The following DLGAP4 variants were observed in gnomAD, a reference collection of about 807,000 sequenced individuals.
The protein encoded by DLGAP4 is DLG associated protein 4.
A neutral mutation model predicts 86.9 loss-of-function variants in DLGAP4; 18 were observed. That is an observed-to-expected ratio of 0.21 (90% CI 0.14 to 0.31). The LOEUF is 0.31. Ranked by LOEUF, DLGAP4 falls within the 10% of genes least tolerant of loss-of-function variation. The pLI, the probability that DLGAP4 is intolerant of heterozygous loss-of-function variation, is 1.00. For synonymous variants in DLGAP4, 548 were observed against 574.3 expected, an observed-to-expected ratio of 0.95 and a Z score of 0.65; for missense variants, 1,085 against 1,362.6, an observed-to-expected ratio of 0.80 and a Z score of 3.21.
intron 2 of DLGAP4, among the ~76,000 whole-genome samples, chr20:36,373,596 G>A (rs768567905): frequency 5.3e-5 from 8 of 152,178 alleles, no homozygotes; most frequent in Non-Finnish European, 1.2e-4. Context: ...GTGGGGAAAA[G>A]TGGCTTCCCC....
Position 36,460,408 on chromosome 20 carries a change from G to A in DLGAP4, c.1648+13471G>A, listed in dbSNP as rs562996544. On this transcript the variant is annotated intron_variant, in intron 7 of 12. Coordinates refer to ENST00000339266, the MANE Select transcript of DLGAP4 (RefSeq NM_001365621.2). The stretch of plus-strand genomic sequence containing the variant: ...ACAGTGCCTGGATTCAAAACGGTTG[G>A]CTAACCCTCAATTCCGTTTATTATT... Among the ~76,000 whole-genome samples, 13 of 152,340 alleles carry A rather than the reference G, an allele frequency of 8.5e-5. No individual in the cohort carries two copies. The South Asian group carries it at 2.7e-3, about 32-fold the overall frequency.
At chr20:36,443,734 G>A (rs941360277) in intron 6 of DLGAP4, among the ~76,000 whole-genome samples, 1 of 151,994 alleles carries the variant, frequency 6.6e-6, no homozygotes, top group Admixed American at 6.6e-5. Context: ...CAGCAGCGCT[G>A]ACCAGCTGGC....
At chr20:36,506,963 C>T (rs545897321) in intron 10 of DLGAP4, among the ~76,000 whole-genome samples, 1 of 152,312 alleles carries the variant, frequency 6.6e-6, no homozygotes, top group Admixed American at 6.5e-5. Flanking sequence ...ATAATGTCTT[C>T]AAGGTTCATC....
At position 36,436,358 on chromosome 20, in the gene DLGAP4, C is replaced by T. The variant is rs763986716; in HGVS notation, c.1241+8C>T. 2.5e-6 allele frequency: 4 copies of T among 1,587,656 alleles called. No individual in the cohort carries two copies. Among genetic ancestry groups the T allele is most frequent in the Admixed American group, 3.4e-5 (2 of 59,064 alleles). On this transcript the variant is annotated splice_region_variant and intron_variant, in intron 4 of 12. Transcript: ENST00000339266. Reference sequence around the variant, plus strand: ...GCAGAGCAACCCCCGCAGGTAGGCGCGCAGCTCCACCCTTACGGTCCCGCC... The same window carrying T: ...GCAGAGCAACCCCCGCAGGTAGGCGTGCAGCTCCACCCTTACGGTCCCGCC...
intron 7 of DLGAP4, among the ~76,000 whole-genome samples, chr20:36,457,475 G>A (rs1396731632): frequency 6.7e-6 from 1 of 150,014 alleles, no homozygotes; most frequent in African/African-American, 2.5e-5. Context: ...CCCTGGTTCT[G>A]GTTCAAGCGA....
intron 4 of DLGAP4, among the ~76,000 whole-genome samples, chr20:36,436,583 G>T (rs570279189): frequency 6.6e-6 from 1 of 152,266 alleles, no homozygotes; most frequent in Admixed American, 6.5e-5. Context: ...TTGGGAGGTC[G>T]AGGCGGGTGG....
chr20:36,485,980 T>C (rs1016603949), intron 7 of DLGAP4, among the ~76,000 whole-genome samples: 5 of 152,032 alleles, frequency 3.3e-5, no homozygotes, highest in African/African-American at 1.2e-4. Context: ...CCCACCAGAC[T>C]GTGCTCCTGT....
chr20:36,326,236 C>G (rs1600400010), intron 1 of DLGAP4, among the ~76,000 whole-genome samples: 1 of 152,282 alleles, frequency 6.6e-6, no homozygotes, highest in East Asian at 1.9e-4. Context: ...AGATTCACCC[C>G]AGGTTTAAAT....
At chr20:36,420,801 C>T (rs1350276829) in intron 2 of DLGAP4, among the ~76,000 whole-genome samples, 2 of 152,086 alleles carry the variant, frequency 1.3e-5, no homozygotes, top group Non-Finnish European at 2.9e-5. Context: ...TGGAGAAACC[C>T]AGTCTCTACT....
chr20:36,439,638 G>A lies in DLGAP4; in HGVS notation c.1242-116G>A, dbSNP rs186429978. On this transcript the variant is annotated intron_variant, in intron 4 of 12. Transcript: ENST00000339266. The stretch of plus-strand genomic sequence containing the variant: ...ATACAAGCTGGTGCTGCCACCCTGC[G>A]GCTGCAGCGGGCATCACAGGTGTGG... The A allele has an allele frequency of 9.6e-5, 80 of 829,466 alleles. No homozygotes were observed. In the East Asian group the frequency reaches 1.9e-3, roughly 20 times the overall value. 51.4% of individuals were successfully genotyped at this position (829,466 alleles called of 1,614,324 possible).
chr20:36,442,595 C>G (rs2033479186), intron 5 of DLGAP4, 132 bp from the exon 6 acceptor site: 2 of 942,942 alleles, frequency 2.1e-6, no homozygotes, highest in Admixed American at 3.9e-5. Flanking sequence ...GACCTCCTAG[C>G]AGCTGTGTCC....
rs539751980 is a variant in DLGAP4, at chr20:36,446,980, G to T, written c.1648+43G>T. 3 of 1,561,772 alleles carry T rather than the reference G, an allele frequency of 1.9e-6. No homozygotes were observed. In the African/African-American group the frequency reaches 4.1e-5, roughly 21 times the overall value. On this transcript the variant is annotated intron_variant, in intron 7 of 12. Coordinates refer to ENST00000339266, the MANE Select transcript of DLGAP4 (RefSeq NM_001365621.2). ...GGAAGGGGTTTTTTTTCTTTTCAAG[G>T]GGACCCCAAGGACCATACCTGGAGG...
At chr20:36,466,946 GTCTCTC>G (rs1187637533) in intron 7 of DLGAP4, among the ~76,000 whole-genome samples, 1 of 95,026 alleles carries the variant, frequency 1.1e-5, no homozygotes, top group Non-Finnish European at 2.2e-5. Flanking sequence ...CTCTCTCTCT[GTCTCTC>G]TCTCTCTCTC....
chr20:36,467,048 C>CTCTT (rs2034428424), intron 7 of DLGAP4, among the ~76,000 whole-genome samples: 1 of 134,684 alleles, frequency 7.4e-6, no homozygotes, highest in African/African-American at 3.6e-5. Context: ...CTCTCTCTCT[C>CTCTT]TCTCTCTCTC....
At chr20:36,509,687 C>A (rs1308460061) in intron 10 of DLGAP4, among the ~76,000 whole-genome samples, 4 of 151,964 alleles carry the variant, frequency 2.6e-5, no homozygotes, top group Admixed American at 6.6e-5. Flanking sequence ...GAGAGTAAGG[C>A]TATAGTGAGG....
intron 7 of DLGAP4, among the ~76,000 whole-genome samples, chr20:36,482,431 C>T (rs1041140911): frequency 6.6e-5 from 10 of 152,098 alleles, no homozygotes; most frequent in African/African-American, 2.4e-4. Context: ...AGGCTCTTTC[C>T]AAGTAATACT....
chr20:36,413,822 A>G (rs1311714876), intron 2 of DLGAP4, among the ~76,000 whole-genome samples: 1 of 152,130 alleles, frequency 6.6e-6, no homozygotes, highest in Non-Finnish European at 1.5e-5. Context: ...TGAGACATGG[A>G]TCAGAACTTC....
At chr20:36,519,851 T>C (rs1490073506) in intron 10 of DLGAP4, among the ~76,000 whole-genome samples, 2 of 152,132 alleles carry the variant, frequency 1.3e-5, no homozygotes, top group Non-Finnish European at 1.5e-5. Flanking sequence ...TTAACAATAG[T>C]GCCATCATAG....
intron 1 of DLGAP4, among the ~76,000 whole-genome samples, chr20:36,337,515 G>A (rs1371564013): frequency 2.0e-5 from 3 of 152,204 alleles, no homozygotes; most frequent in Non-Finnish European, 4.4e-5. Context: ...ATGGGCCTGA[G>A]AGGGCTGGGT....
Sources: gnomAD v4.1 joint callset for allele counts (sites outside exome capture counted in the v4.1 genomes callset) on GRCh38, gnomAD v4.1.1 for gene constraint, MANE v1.5 for transcripts, NCBI Gene and HGNC (gene_info 2026-07-23, HGNC 2026-07-21) for gene names.